The following PUDP variants were observed in gnomAD, a reference collection of about 807,000 sequenced individuals.
PUDP encodes the protein pseudouridine-5'-phosphatase.
Under a neutral mutation model 9.4 loss-of-function variants are expected in PUDP, and 8 were observed. That is an observed-to-expected ratio of 0.85 (90% CI 0.50 to 1.53). The LOEUF (loss-of-function observed/expected upper bound fraction) is 1.53. Ranked by LOEUF, PUDP falls within the 40% of genes most tolerant of loss-of-function variation. The pLI is 0.00. For synonymous variants in PUDP, 99 were observed against 80.7 expected, an observed-to-expected ratio of 1.23 and a Z score of -1.22; for missense variants, 188 against 189.7, an observed-to-expected ratio of 0.99 and a Z score of 0.05.
At chrX:6,883,076 C>A (rs1927371961) in intron 3 of PUDP, among the ~76,000 whole-genome samples, 1 of 111,925 alleles carries the variant, frequency 8.9e-6, no homozygotes. Flanking sequence ...GAGACACACA[C>A]ATTCTTAAAG....
At chrX:6,734,470 T>G (rs1924850208) in intron 3 of PUDP, among the ~76,000 whole-genome samples, 1 of 112,315 alleles carries the variant, frequency 8.9e-6, no homozygotes, top group African/African-American at 3.2e-5. Context: ...AATTATGATT[T>G]GTCTATTAAA....
At chrX:6,979,746 AAT>A (rs1247169239) in intron 1 of PUDP, among the ~76,000 whole-genome samples, 2 of 111,244 alleles carry the variant, frequency 1.8e-5, no homozygotes, top group East Asian at 2.8e-4. Flanking sequence ...TAATTAAATA[AAT>A]ATGTTTATTA....
At chrX:6,813,299 C>T (rs1380574739) in intron 3 of PUDP, among the ~76,000 whole-genome samples, 1 of 111,520 alleles carries the variant, frequency 9.0e-6, no homozygotes, top group Non-Finnish European at 1.9e-5. Context: ...ACAAACAATA[C>T]ACGGGAATAG....
chrX:7,046,278 T>C (rs1705202948), downstream of PUDP, among the ~76,000 whole-genome samples: 1 of 111,287 alleles, frequency 9.0e-6, no homozygotes, highest in African/African-American at 3.3e-5. Flanking sequence ...CTGAACTCCT[T>C]GTAAGAAGAG....
intron 3 of PUDP, among the ~76,000 whole-genome samples, chrX:7,069,927 C>A (rs1930677392): frequency 8.9e-6 from 1 of 112,485 alleles, no homozygotes; most frequent in African/African-American, 3.2e-5. Flanking sequence ...TTCTGTGTGT[C>A]CTTCTGCCTC....
At chrX:6,828,074 G>A (rs1230096504) in intron 3 of PUDP, among the ~76,000 whole-genome samples, 1 of 111,735 alleles carries the variant, frequency 8.9e-6, no homozygotes, top group Non-Finnish European at 1.9e-5. Flanking sequence ...ACATGCATTA[G>A]TTTCCTGCTG....
At chrX:7,005,857 C>G (rs1450516558) in intron 1 of PUDP, among the ~76,000 whole-genome samples, 1 of 111,455 alleles carries the variant, frequency 9.0e-6, no homozygotes, top group African/African-American at 3.3e-5. Context: ...CCTCCCCACC[C>G]CGGGTAACCA....
intron 3 of PUDP, among the ~76,000 whole-genome samples, chrX:6,742,204 T>C (rs1924948872): frequency 1.8e-5 from 2 of 111,882 alleles, no homozygotes; most frequent in Non-Finnish European, 3.8e-5. Context: ...AGGGAAATGA[T>C]ATAACTGGAT....
intron 1 of PUDP, among the ~76,000 whole-genome samples, chrX:7,126,823 T>A (rs1176357139): frequency 8.9e-6 from 1 of 111,739 alleles, no homozygotes; most frequent in Non-Finnish European, 1.9e-5. Flanking sequence ...TTGGTTTTTT[T>A]AATTTTTATT....
chrX:6,853,983 T>C (rs1212592997), intron 3 of PUDP, among the ~76,000 whole-genome samples: 1 of 111,119 alleles, frequency 9.0e-6, no homozygotes, highest in African/African-American at 3.3e-5. Flanking sequence ...AAGCTGGTCT[T>C]GAATTCCTGG....
intron 3 of PUDP, among the ~76,000 whole-genome samples, chrX:6,840,223 G>A (rs781688648): frequency 9.8e-5 from 11 of 111,814 alleles, no homozygotes; most frequent in Non-Finnish European, 1.3e-4. Flanking sequence ...CATGTAAGAC[G>A]TGACTTTCGC....
At chrX:6,816,733 C>T (rs1336800909) in intron 3 of PUDP, among the ~76,000 whole-genome samples, 1 of 95,472 alleles carries the variant, frequency 1.0e-5, no homozygotes, top group African/African-American at 3.8e-5. Flanking sequence ...AATATATATA[C>T]ACACATAGTA....
At chrX:6,977,198 G>C (rs995016905) in exon 3 of PUDP, among the ~76,000 whole-genome samples, 7 of 111,796 alleles carry the variant, frequency 6.3e-5, no homozygotes, top group Non-Finnish European at 1.3e-4. Flanking sequence ...GGAACAGGCA[G>C]GAAGAACCCA....
At chrX:6,816,912 AT>A (rs1812662192) in intron 3 of PUDP, among the ~76,000 whole-genome samples, 1 of 94,147 alleles carries the variant, frequency 1.1e-5, no homozygotes. Context: ...TATATACTAT[AT>A]AGTATATATA....
At chrX:6,949,388 T>C (rs913843838) in intron 3 of PUDP, among the ~76,000 whole-genome samples, 1 of 111,501 alleles carries the variant, frequency 9.0e-6, no homozygotes, top group African/African-American at 3.3e-5. Flanking sequence ...CCTTATCCTT[T>C]TCCTCCTTGG....
intron 3 of PUDP, chrX:7,057,673 C>G (rs1234445896): frequency 1.7e-6 from 2 of 1,150,397 alleles, no homozygotes; most frequent in African/African-American, 3.6e-5. Flanking sequence ...GGCTCGGGGT[C>G]TCCATGCACT....
chrX:6,901,048 C>T (rs1389831542), intron 3 of PUDP, among the ~76,000 whole-genome samples: 1 of 111,367 alleles, frequency 9.0e-6, no homozygotes, highest in East Asian at 2.8e-4. Context: ...AGTGCTGAGA[C>T]TACAGGCATG....
intron 1 of PUDP, among the ~76,000 whole-genome samples, chrX:7,027,936 T>C (rs1264221397): frequency 2.0e-5 from 2 of 102,003 alleles, no homozygotes; most frequent in African/African-American, 6.9e-5. Context: ...TTATATAGAC[T>C]ATATATAGAC....
intron 3 of PUDP, among the ~76,000 whole-genome samples, chrX:6,931,553 A>G (rs1260534721): frequency 8.9e-6 from 1 of 111,967 alleles, no homozygotes; most frequent in Non-Finnish European, 1.9e-5. Flanking sequence ...ATAGGAGGGA[A>G]GTGTATGTAG....
Sources: allele counts gnomAD v4.1 joint callset (sites outside exome capture counted in the v4.1 genomes callset), GRCh38; gene constraint gnomAD v4.1.1; transcripts MANE v1.5; gene names NCBI Gene and HGNC (gene_info 2026-07-23, HGNC 2026-07-21).